Variants in NDST4 observed in about 807,000 individuals in gnomAD.
NDST4 encodes the protein N-heparan sulfate sulfotransferase 4.
In NDST4, 63 loss-of-function variants were observed where a neutral mutation model predicts 100.8. The observed-to-expected ratio is 0.62, with a 90% CI of 0.51 to 0.77. NDST4 has a LOEUF of 0.77. Ranked by LOEUF, NDST4 falls within the 30% of genes least tolerant of loss-of-function variation. The pLI is 0.00. For missense variants in NDST4, 943 were observed against 1,018.4 expected (o/e 0.93, Z 1.01); for synonymous variants, 377 against 361.8 (o/e 1.04, Z -0.48).
intron 4 of NDST4, among the ~76,000 whole-genome samples, chr4:114,967,780 AT>A (rs201953131): frequency 2.0e-5 from 3 of 152,048 alleles, no homozygotes; most frequent in South Asian, 2.1e-4. Context: ...GTAAATCCAT[AT>A]TTTTTTTAAA....
chr4:115,095,529 A>G (rs961913048), intron 1 of NDST4, among the ~76,000 whole-genome samples: 7 of 152,044 alleles, frequency 4.6e-5, no homozygotes, highest in Admixed American at 4.6e-4. Context: ...TGTCACTAAT[A>G]GCCTATTTTT....
intron 4 of NDST4, among the ~76,000 whole-genome samples, chr4:114,951,973 T>C (rs942613825): frequency 6.6e-6 from 1 of 152,190 alleles, no homozygotes; most frequent in African/African-American, 2.4e-5. Flanking sequence ...GTAAATTAAG[T>C]ATCCCCAAGT....
At chr4:114,909,417 T>C (rs888865984) in intron 6 of NDST4, among the ~76,000 whole-genome samples, 7 of 151,596 alleles carry the variant, frequency 4.6e-5, no homozygotes, top group Non-Finnish European at 8.8e-5. Flanking sequence ...TCCCAGCACT[T>C]TGGGAGGCCG....
chr4:115,090,744 C>T (rs1338438899), intron 1 of NDST4, among the ~76,000 whole-genome samples: 1 of 151,992 alleles, frequency 6.6e-6, no homozygotes, highest in African/African-American at 2.4e-5. Context: ...TCTCCATTGA[C>T]AGGTTACTAA....
intron 1 of NDST4, among the ~76,000 whole-genome samples, 162 bp downstream of exon 1, chr4:115,113,282 A>G (rs1729990902): frequency 6.6e-6 from 1 of 151,958 alleles, no homozygotes; most frequent in African/African-American, 2.4e-5. Flanking sequence ...AAGCACACAC[A>G]TGCGGAAAAG....
chr4:114,863,309 C>T (rs905053224), intron 7 of NDST4, among the ~76,000 whole-genome samples: 2 of 152,176 alleles, frequency 1.3e-5, no homozygotes, highest in Non-Finnish European at 2.9e-5. Context: ...TTTATTTAGG[C>T]CCTGCTGAAG....
intron 1 of NDST4, among the ~76,000 whole-genome samples, chr4:115,100,276 T>C (rs1343938961): frequency 1.3e-5 from 2 of 152,118 alleles, no homozygotes; most frequent in Non-Finnish European, 2.9e-5. Flanking sequence ...ACAACATTTG[T>C]TGAAACCCAT....
Position 115,106,915 on chromosome 4 carries a change from C to A in NDST4, c.-247+6529G>T, listed in dbSNP as rs181286504. Among the ~76,000 whole-genome samples the A allele has an allele frequency of 1.6e-4, 25 of 152,164 alleles. No individual in the cohort carries two copies. In the East Asian group the frequency reaches 4.5e-3, roughly 27 times the overall value. On this transcript the variant is annotated intron_variant, in intron 1 of 13. Transcript: ENST00000264363. ...CATGCCTATGATCCTAGCACTTTGT[C>A]AGGCTGAGGTAGGAGGATAGCTTGA...
chr4:115,056,953 G>C (rs978437889), intron 2 of NDST4, among the ~76,000 whole-genome samples: 1 of 152,024 alleles, frequency 6.6e-6, no homozygotes, highest in Non-Finnish European at 1.5e-5. Flanking sequence ...TAAGAAAAAG[G>C]ACCATTATTT....
At chr4:115,080,430 C>T in intron 1 of NDST4, among the ~76,000 whole-genome samples, 1 of 152,142 alleles carries the variant, frequency 6.6e-6, no homozygotes, top group East Asian at 1.9e-4. Flanking sequence ...AGTGACTACG[C>T]CCAGCCAAAT....
intron 2 of NDST4, among the ~76,000 whole-genome samples, chr4:115,073,211 TGGGTGGAAATGTAAAC>T (rs1345259515): frequency 2.0e-5 from 3 of 151,958 alleles, no homozygotes; most frequent in Non-Finnish European, 4.4e-5. Context: ...CTCATGTACA[TGGGTGGAAATGTAAAC>T]AGTATAGCCA....
At chr4:115,074,636 A>G (rs1056037970) in intron 2 of NDST4, among the ~76,000 whole-genome samples, 2 of 152,122 alleles carry the variant, frequency 1.3e-5, no homozygotes. Context: ...GGAACTTATT[A>G]AAAACAGAGT....
intron 2 of NDST4, among the ~76,000 whole-genome samples, chr4:115,070,815 C>T (rs749557988): frequency 3.3e-5 from 5 of 152,068 alleles, no homozygotes; most frequent in South Asian, 2.1e-4. Flanking sequence ...TCAAAAAACT[C>T]GTATTCTGGC....
chr4:115,102,854 G>A (rs1044195141), intron 1 of NDST4, among the ~76,000 whole-genome samples: 1 of 151,484 alleles, frequency 6.6e-6, no homozygotes, highest in African/African-American at 2.4e-5. Flanking sequence ...AATTATAGGC[G>A]CCTGCCACCA....
At chr4:114,896,502 T>A (rs891686941) in intron 6 of NDST4, among the ~76,000 whole-genome samples, 1 of 151,866 alleles carries the variant, frequency 6.6e-6, no homozygotes, top group South Asian at 2.1e-4. Context: ...CGGCCGCCTG[T>A]AGTCCCAGCT....
intron 3 of NDST4, among the ~76,000 whole-genome samples, chr4:114,971,609 A>T (rs1726516336): frequency 6.6e-6 from 1 of 152,130 alleles, no homozygotes; most frequent in South Asian, 2.1e-4. Flanking sequence ...CCTGGCTTAT[A>T]GTGTGGGTTG....
intron 12 of NDST4, among the ~76,000 whole-genome samples, chr4:114,831,024 GA>G (rs1374118734): frequency 2.6e-5 from 4 of 152,082 alleles, no homozygotes; most frequent in African/African-American, 9.7e-5. Flanking sequence ...ATGGATAAAA[GA>G]AAGAGTCATT....
At chr4:114,878,471 C>G (rs1724301869) in intron 6 of NDST4, among the ~76,000 whole-genome samples, 2 of 152,056 alleles carry the variant, frequency 1.3e-5, no homozygotes, top group Admixed American at 6.6e-5. Context: ...ATTAAAATAT[C>G]CCAGAAGTTT....
intron 6 of NDST4, among the ~76,000 whole-genome samples, chr4:114,927,997 TC>T (rs1440856439): frequency 6.6e-6 from 1 of 152,112 alleles, no homozygotes; most frequent in Non-Finnish European, 1.5e-5. Context: ...AAAACACATT[TC>T]CCCCGGGACT....
Sources: allele counts gnomAD v4.1 joint callset (sites outside exome capture counted in the v4.1 genomes callset), GRCh38; gene constraint gnomAD v4.1.1; transcripts MANE v1.5; gene names NCBI Gene and HGNC (gene_info 2026-07-23, HGNC 2026-07-21).